Variants in CUEDC1 observed in about 807,000 individuals in gnomAD.
CUEDC1 encodes CUE domain containing 1, also known as CUE domain-containing protein 1.
Under a neutral mutation model 43.7 loss-of-function variants are expected in CUEDC1, and 30 were observed. The ratio of observed to expected loss-of-function variants is 0.69; its 90% CI spans 0.51 to 0.93. The LOEUF (loss-of-function observed/expected upper bound fraction) is 0.93. Ranked by LOEUF, CUEDC1 falls within the 40% of genes least tolerant of loss-of-function variation. CUEDC1 has a pLI of 0.00. For synonymous variants in CUEDC1, 223 were observed against 223.6 expected (o/e 1.00, Z 0.02); for missense variants, 486 against 549.0 (o/e 0.89, Z 1.15).
intron 1 of CUEDC1, among the ~76,000 whole-genome samples, chr17:57,929,320 C>A (rs370948537): frequency 2.0e-5 from 3 of 152,104 alleles, no homozygotes; most frequent in African/African-American, 7.2e-5. Flanking sequence ...GGTTAAACAG[C>A]CGCCCAAGAA....
intron 1 of CUEDC1, chr17:57,903,214 T>G (rs976995472): frequency 6.6e-6 from 1 of 152,450 alleles, no homozygotes; most frequent in East Asian, 1.9e-4. Context: ...CCCCACCTCA[T>G]GCTTCCTCTG....
intron 1 of CUEDC1, among the ~76,000 whole-genome samples, chr17:57,913,742 C>T (rs1200459388): frequency 6.6e-6 from 1 of 152,162 alleles, no homozygotes; most frequent in African/African-American, 2.4e-5. Context: ...CCTCCAGGGA[C>T]CTGCTGATTC....
At chr17:57,943,769 C>T (rs975390073) in intron 1 of CUEDC1, among the ~76,000 whole-genome samples, 3 of 152,170 alleles carry the variant, frequency 2.0e-5, no homozygotes, top group African/African-American at 7.2e-5. Context: ...CTCTGCCCCA[C>T]ACTTAGAAAC....
At chr17:57,917,072 TAGGGAGG>T (rs2074650034) in intron 1 of CUEDC1, among the ~76,000 whole-genome samples, 7 of 152,162 alleles carry the variant, frequency 4.6e-5, no homozygotes, top group Admixed American at 2.6e-4. Flanking sequence ...GCCCATCCAA[TAGGGAGG>T]ACATGGGAAC....
Position 57,879,628 on chromosome 17 carries a change from G to T in CUEDC1, c.447C>A (p.Pro149=), listed in dbSNP as rs772723756. The stretch of plus-strand genomic sequence containing the variant: ...ATTCTCACCGGGGAGGCGGAGTCGG[G>T]GGAGCCAGAGGGTAGGGCCGGTCGA... ...HVFDRPYPLA[P]PTPPPRIDAL... The change falls in exon 3 of 11, where the codon CCC becomes CCA. Residue 149 remains proline, a synonymous_variant. Transcript: ENST00000577830. The T allele has an allele frequency of 6.9e-6, 11 of 1,593,764 alleles. 1 individual carries two copies. The South Asian group carries it at 1.3e-4, about 18-fold the overall frequency.
At chr17:57,940,932 T>C (rs953514684) in intron 1 of CUEDC1, among the ~76,000 whole-genome samples, 15 of 152,190 alleles carry the variant, frequency 9.9e-5, no homozygotes, top group African/African-American at 3.6e-4. Flanking sequence ...CCAGAGAAGC[T>C]AAGCTGCCAG....
At chr17:57,896,767 CTTT>C (rs747788787) in intron 1 of CUEDC1, among the ~76,000 whole-genome samples, 1 of 112,266 alleles carries the variant, frequency 8.9e-6, no homozygotes, top group Non-Finnish European at 1.8e-5. Context: ...TTTCTTCTTT[CTTT>C]TTTTTTTTTT....
chr17:57,906,284 A>G (rs2074529171), intron 1 of CUEDC1, among the ~76,000 whole-genome samples: 1 of 152,250 alleles, frequency 6.6e-6, no homozygotes, highest in African/African-American at 2.4e-5. Flanking sequence ...CACAAAAAGG[A>G]ATGAAATGCT....
At chr17:57,868,587 C>T (rs552123286) in intron 7 of CUEDC1, 11 of 370,546 alleles carry the variant, frequency 3.0e-5, no homozygotes, top group African/African-American at 1.2e-4. Context: ...ACCGCCTTCC[C>T]GCCCCTCCCC....
At chr17:57,893,963 G>A (rs1186395036) in intron 1 of CUEDC1, among the ~76,000 whole-genome samples, 3 of 152,154 alleles carry the variant, frequency 2.0e-5, no homozygotes, top group Non-Finnish European at 4.4e-5. Context: ...GCATGGTGGT[G>A]GGTGCCTGTA....
chr17:57,947,947 CTG>C (rs1403972152), intron 1 of CUEDC1, among the ~76,000 whole-genome samples: 3 of 152,136 alleles, frequency 2.0e-5, no homozygotes, highest in Admixed American at 6.5e-5. Flanking sequence ...GGATCCTAAA[CTG>C]TGTTTTCTCT....
intron 1 of CUEDC1, among the ~76,000 whole-genome samples, chr17:57,920,838 T>C (rs1051953470): frequency 3.9e-5 from 6 of 152,080 alleles, no homozygotes; most frequent in African/African-American, 1.4e-4. Flanking sequence ...GGTTTCGCCA[T>C]GTTGGCCAGG....
intron 2 of CUEDC1, among the ~76,000 whole-genome samples, chr17:57,884,344 C>T (rs1047410301): frequency 1.3e-5 from 2 of 151,580 alleles, no homozygotes; most frequent in African/African-American, 2.4e-5. Flanking sequence ...ACTACAGGTG[C>T]GCACCACCAC....
intron 2 of CUEDC1, 103 bp from the exon 3 acceptor site, chr17:57,879,841 CT>C: frequency 8.4e-7 from 1 of 1,195,052 alleles, no homozygotes; most frequent in Non-Finnish European, 1.2e-6. Flanking sequence ...AATAAAGGAA[CT>C]CTGTGTGTTG....
At chr17:57,931,717 G>A (rs1321945248) in intron 1 of CUEDC1, among the ~76,000 whole-genome samples, 2 of 152,104 alleles carry the variant, frequency 1.3e-5, no homozygotes, top group African/African-American at 4.8e-5. Flanking sequence ...AACACACAAA[G>A]GAACACAGTC....
chr17:57,924,369 G>C (rs2074726012), intron 1 of CUEDC1, among the ~76,000 whole-genome samples: 1 of 152,212 alleles, frequency 6.6e-6, no homozygotes, highest in African/African-American at 2.4e-5. Context: ...CTCCCAAAGT[G>C]CTGGGATTAT....
rs187366008 is a variant in CUEDC1, at chr17:57,950,465, T to A, written c.-316+4760A>T. 4.5e-3 allele frequency among the ~76,000 whole-genome samples: 680 copies of A among 150,162 alleles called. 4 individuals carry two copies. Among genetic ancestry groups the A allele is most frequent in the South Asian group, 0.018 (85 of 4,776 alleles). On this transcript the variant is annotated intron_variant, in intron 1 of 10. Transcript: ENST00000577830. ...ACCGTGTCCAGCCTCTTTTTTATTT[T>A]TTTATTTATTTATTTTTTTTTTTTT... is the stretch of plus-strand genomic sequence containing the variant.
At chr17:57,877,816 C>T (rs913936384) in intron 3 of CUEDC1, among the ~76,000 whole-genome samples, 23 of 137,164 alleles carry the variant, frequency 1.7e-4, no homozygotes, top group Non-Finnish European at 2.7e-4. Context: ...ACCTGGGAGG[C>T]GGAGGTTGCA....
intron 1 of CUEDC1, among the ~76,000 whole-genome samples, chr17:57,906,093 A>G (rs998108460): frequency 2.0e-5 from 3 of 152,260 alleles, no homozygotes; most frequent in African/African-American, 7.2e-5. Flanking sequence ...CAGTGATTCC[A>G]TTCATGGGTA....
Sources: allele counts gnomAD v4.1 joint callset (sites outside exome capture counted in the v4.1 genomes callset), GRCh38; gene constraint gnomAD v4.1.1; transcripts MANE v1.5; gene names NCBI Gene and HGNC (gene_info 2026-07-23, HGNC 2026-07-21).